ANKFY1: variants seen among roughly 807,000 people sequenced by gnomAD.
ANKFY1 encodes ankyrin repeat and FYVE domain-containing protein 1.
Under a neutral mutation model 128.3 loss-of-function variants are expected in ANKFY1, and 47 were observed. That is an observed-to-expected ratio of 0.37 (90% confidence interval 0.29 to 0.47). The LOEUF (loss-of-function observed/expected upper bound fraction) is 0.47. Ranked by LOEUF, ANKFY1 falls within the 20% of genes least tolerant of loss-of-function variation. The probability of loss-of-function intolerance (pLI) is 1.00; values close to 1 mark genes in which losing one functional copy is unlikely to be tolerated. For synonymous variants in ANKFY1, 553 were observed against 601.6 expected (o/e 0.92, Z 1.18); for missense variants, 1,222 against 1,510.6 (o/e 0.81, Z 3.17).
chr17:4,186,133 A>G (rs777125312), intron 11 of ANKFY1, among the ~76,000 whole-genome samples: 7 of 152,210 alleles, frequency 4.6e-5, no homozygotes, highest in Non-Finnish European at 5.9e-5. Context: ...GCACACACAC[A>G]TGCATGTGGG....
At chr17:4,175,963 G>A (rs993305835) in intron 19 of ANKFY1, among the ~76,000 whole-genome samples, 22 of 152,234 alleles carry the variant, frequency 1.4e-4, no homozygotes, top group African/African-American at 5.3e-4. Flanking sequence ...CCTTGGTCAG[G>A]GACCGTAACC....
chr17:4,231,844 G>A (rs1300030453), intron 3 of ANKFY1, among the ~76,000 whole-genome samples: 2 of 151,924 alleles, frequency 1.3e-5, no homozygotes, highest in Non-Finnish European at 1.5e-5. Flanking sequence ...GGCTGAGGTG[G>A]GAGGATCACC....
rs536579092 is a variant in ANKFY1, at chr17:4,244,288, CA to C, written c.11-1841del. ...TTAAAATAATTACAACAGTCAAATG[CA>C]AAATTACAACTCTACATTAGAGAGC... is the stretch of plus-strand genomic sequence containing the variant. On this transcript the variant is annotated intron_variant, in intron 1 of 24. Transcript: ENST00000341657. 7.9e-5 allele frequency among the ~76,000 whole-genome samples: 12 copies of C among 152,116 alleles called. No individual in the cohort carries two copies. In the South Asian group the frequency reaches 2.5e-3, roughly 32 times the overall value.
intron 1 of ANKFY1, among the ~76,000 whole-genome samples, chr17:4,262,759 C>A (rs1218591844): frequency 6.6e-6 from 1 of 152,200 alleles, no homozygotes; most frequent in African/African-American, 2.4e-5. Context: ...AACACACACA[C>A]ACACCCCCCA....
Position 4,174,012 on chromosome 17 carries a change from C to T in ANKFY1, c.2820G>A (p.Gln940=), listed in dbSNP as rs759716220. 11 of 1,614,206 alleles carry T rather than the reference C, an allele frequency of 6.8e-6. 1 individual carries two copies. The South Asian group carries it at 1.2e-4, about 18-fold the overall frequency. ...AKVNELTKHR[Q]TALHLAAQQD... Reference sequence around the variant, plus strand: ...GCTGGGCAGCAAGATGGAGGGCAGTCTGGCGATGCTTGGTTAATTCGTTCA... The same window carrying T: ...GCTGGGCAGCAAGATGGAGGGCAGTTTGGCGATGCTTGGTTAATTCGTTCA... The change falls in exon 20 of 25, where the codon CAG becomes CAA. Residue 940 remains glutamine (Q), a synonymous_variant. Transcript: ENST00000341657.
chr17:4,210,462 G>A (rs745920569), intron 4 of ANKFY1, among the ~76,000 whole-genome samples: 14 of 152,036 alleles, frequency 9.2e-5, no homozygotes, highest in Admixed American at 1.3e-4. Flanking sequence ...TAATCCCAGC[G>A]CTTTGGGAGG....
At chr17:4,223,220 C>A in intron 3 of ANKFY1, 1 of 786,642 alleles carries the variant, frequency 1.3e-6, no homozygotes, top group South Asian at 1.4e-5. Context: ...TCCTATTACT[C>A]ATGGGTGTAT....
intron 12 of ANKFY1, among the ~76,000 whole-genome samples, chr17:4,184,339 T>C (rs2059572803): frequency 6.6e-6 from 1 of 152,142 alleles, no homozygotes; most frequent in African/African-American, 2.4e-5. Context: ...AACACTGTCC[T>C]TAACAAGGAT....
At chr17:4,221,401 A>G (rs1006586958) in intron 3 of ANKFY1, among the ~76,000 whole-genome samples, 1 of 152,048 alleles carries the variant, frequency 6.6e-6, no homozygotes, top group African/African-American at 2.4e-5. Flanking sequence ...TAGGAGAGAA[A>G]GAGTTTCGTC....
intron 14 of ANKFY1, among the ~76,000 whole-genome samples, chr17:4,183,045 G>A (rs771995762): frequency 1.6e-4 from 25 of 152,164 alleles, no homozygotes; most frequent in Non-Finnish European, 2.8e-4. Context: ...GGTGGAGGCC[G>A]CAGTGAGCCG....
At chr17:4,249,258 G>T in intron 1 of ANKFY1, 1 of 224,710 alleles carries the variant, frequency 4.5e-6, no homozygotes, top group Non-Finnish European at 7.4e-6. Flanking sequence ...TCTGCCAGTT[G>T]GAACACAAAA....
intron 5 of ANKFY1, among the ~76,000 whole-genome samples, chr17:4,209,446 AC>A (rs2060087073): frequency 6.6e-6 from 1 of 152,190 alleles, no homozygotes; most frequent in Non-Finnish European, 1.5e-5. Context: ...GACTACAGGC[AC>A]GCACCACTGA....
chr17:4,172,087 C>A (rs1380824127), intron 22 of ANKFY1, among the ~76,000 whole-genome samples: 1 of 152,136 alleles, frequency 6.6e-6, no homozygotes, highest in Non-Finnish European at 1.5e-5. Flanking sequence ...TCACGGGTAC[C>A]CAGAGCAACC....
chr17:4,169,248 GT>G lies in ANKFY1; in HGVS notation c.3326del (p.Tyr1109SerfsTer37). 6.4e-7 allele frequency: 1 copy of G among 1,552,452 alleles called. No individual in the cohort carries two copies. Among genetic ancestry groups the G allele is most frequent in the Non-Finnish European group, 8.7e-7 (1 of 1,147,670 alleles). ...SKEPPWCDGS[Y>X]CYECTARFGV... ...CGAACCTGGCAGTGCACTCATAGCA[GT>G]AGGAGCCGTCACACCACGGAGGCTC... On this transcript the variant is annotated frameshift_variant, in exon 24 of 25. Coordinates refer to ENST00000341657, the MANE Select transcript of ANKFY1 (RefSeq NM_001330063.2). LOFTEE classifies it high-confidence loss of function. The surrounding 1 kb of genome is among the most constrained non-coding windows in gnomAD (Gnocchi z 5.0).
At chr17:4,239,698 G>A (rs1035692895) in intron 2 of ANKFY1, among the ~76,000 whole-genome samples, 1 of 151,202 alleles carries the variant, frequency 6.6e-6, no homozygotes. Context: ...GCCACCACAT[G>A]TGGCTAATTT....
At chr17:4,242,548 T>TTTCCCAAA in intron 1 of ANKFY1, 100 bp from the exon 2 acceptor site, 1 of 1,052,018 alleles carries the variant, frequency 9.5e-7, no homozygotes, top group Non-Finnish European at 1.3e-6. Flanking sequence ...CCAAAGTGAC[T>TTTCCCAAA]GGCCACTTGA....
chr17:4,246,005 C>G (rs969920497), intron 1 of ANKFY1, among the ~76,000 whole-genome samples: 22 of 152,254 alleles, frequency 1.4e-4, no homozygotes, highest in African/African-American at 5.3e-4. Context: ...GATCGTGCCA[C>G]TGCACTCCAG....
At position 4,181,311 on chromosome 17, in the gene ANKFY1, A is replaced by G; in HGVS notation, c.2183T>C (p.Leu728Pro). The change falls in exon 16 of 25, where the codon CTC becomes CCC. Residue 728 changes from leucine to proline, a missense_variant. Coordinates refer to ENST00000341657, the MANE Select transcript of ANKFY1 (RefSeq NM_001330063.2). The surrounding 1 kb of genome is among the most constrained non-coding windows in gnomAD (Gnocchi z 4.9). ...GPGPGGCLQT[L>P]LHRAIDENNE... Reference sequence around the variant, plus strand: ...GTTTTCATCAATGGCTCTGTGCAGGAGCGTCTGAAGGCACCCACCAGGTCC... The same window carrying G: ...GTTTTCATCAATGGCTCTGTGCAGGGGCGTCTGAAGGCACCCACCAGGTCC... 1 of 1,614,204 alleles carries G rather than the reference A, an allele frequency of 6.2e-7. No homozygotes were observed. The highest frequency in any genetic ancestry group is 8.5e-7 in the Non-Finnish European group (1 of 1,180,040).
At chr17:4,249,227 G>A (rs1042227496) in intron 1 of ANKFY1, 1 of 465,948 alleles carries the variant, frequency 2.1e-6, no homozygotes. Context: ...GAGCCATACA[G>A]TCTCTGGGGC....
Sources: allele counts gnomAD v4.1 joint callset (sites outside exome capture counted in the v4.1 genomes callset), GRCh38; gene constraint gnomAD v4.1.1; non-coding constraint Gnocchi (gnomAD v3.1); transcripts MANE v1.5; gene names NCBI Gene and HGNC (gene_info 2026-07-23, HGNC 2026-07-21).